The following POC1A variants were observed in gnomAD, a reference collection of about 807,000 sequenced individuals.
POC1A encodes POC1 centriolar protein A.
POC1A carries 34 observed loss-of-function variants against 47.8 expected under a neutral mutation model. The ratio of observed to expected loss-of-function variants is 0.71; its 90% confidence interval spans 0.54 to 0.95. POC1A has a LOEUF of 0.95. Among genes scored for constraint, POC1A ranks in the 40% least tolerant of loss-of-function variants. The pLI is 0.00. For synonymous variants in POC1A, 177 were observed against 207.6 expected, an observed-to-expected ratio of 0.85 and a Z score of 1.27; for missense variants, 466 against 528.3, an observed-to-expected ratio of 0.88 and a Z score of 1.16.
intron 7 of POC1A, among the ~76,000 whole-genome samples, chr3:52,132,033 C>T (rs1050989436): frequency 3.9e-5 from 6 of 152,254 alleles, no homozygotes; most frequent in Non-Finnish European, 7.4e-5. Context: ...TCACCTAAAA[C>T]GGCATGACAT....
chr3:52,131,922 C>A (rs1291896755), intron 7 of POC1A, among the ~76,000 whole-genome samples: 1 of 152,122 alleles, frequency 6.6e-6, no homozygotes, highest in Admixed American at 6.5e-5. Context: ...GCACCAGACA[C>A]CCCCATGGAC....
chr3:52,136,254 A>G (rs577663753), intron 7 of POC1A, among the ~76,000 whole-genome samples: 4 of 152,104 alleles, frequency 2.6e-5, no homozygotes, highest in Non-Finnish European at 5.9e-5. Flanking sequence ...GGAGAAGAAA[A>G]TAATTTGAGC....
chr3:52,098,370 C>A (rs571802086), intron 9 of POC1A, among the ~76,000 whole-genome samples: 5 of 152,184 alleles, frequency 3.3e-5, no homozygotes, highest in Admixed American at 1.3e-4. Flanking sequence ...TGAGTTTCTG[C>A]AGAATGGCCC....
intron 9 of POC1A, among the ~76,000 whole-genome samples, chr3:52,119,006 T>G (rs1159804653): frequency 6.6e-6 from 1 of 150,566 alleles, no homozygotes; most frequent in Non-Finnish European, 1.5e-5. Context: ...GGCAAAAGGT[T>G]TTTTTTTTTT....
intron 7 of POC1A, among the ~76,000 whole-genome samples, chr3:52,131,389 C>A (rs948570443): frequency 6.6e-6 from 1 of 152,132 alleles, no homozygotes; most frequent in African/African-American, 2.4e-5. Flanking sequence ...GGATCATGAG[C>A]CTCCATTGCA....
At chr3:52,087,927 T>A (rs1475211898) in intron 10 of POC1A, among the ~76,000 whole-genome samples, 3 of 152,156 alleles carry the variant, frequency 2.0e-5, no homozygotes, top group Non-Finnish European at 4.4e-5. Context: ...AGGACACCAG[T>A]CATGCTTGGC....
intron 7 of POC1A, among the ~76,000 whole-genome samples, chr3:52,132,374 G>C (rs1485541399): frequency 6.6e-6 from 1 of 152,094 alleles, no homozygotes; most frequent in African/African-American, 2.4e-5. Context: ...AAAAATACTG[G>C]GGTTTTCCTG....
chr3:52,138,313 G>A lies in POC1A; in HGVS notation c.680-11C>T, dbSNP rs761896253. 1 of 1,607,612 alleles carries A rather than the reference G, an allele frequency of 6.2e-7. No homozygotes were observed. Among genetic ancestry groups the A allele is most frequent in the Non-Finnish European group, 8.5e-7 (1 of 1,176,836 alleles). ...CTGCTGCACTGTGCACTGGGGGAAG[G>A]ACATCAGTCAGGTGCTGGCTAGGAG... On this transcript the variant is annotated splice_polypyrimidine_tract_variant and intron_variant, in intron 6 of 10. Coordinates refer to ENST00000296484, the MANE Select transcript of POC1A (RefSeq NM_015426.5).
chr3:52,105,364 C>G (rs757877246), intron 9 of POC1A, among the ~76,000 whole-genome samples: 3 of 152,264 alleles, frequency 2.0e-5, no homozygotes, highest in Non-Finnish European at 4.4e-5. Flanking sequence ...GATGAGGAGA[C>G]TCACAGACAC....
At position 52,075,404 on chromosome 3, in the gene POC1A, C is replaced by T. The variant is rs1440599553; in HGVS notation, c.*483G>A. 6.4e-6 allele frequency: 1 copy of T among 157,208 alleles called. No homozygotes were observed. Among genetic ancestry groups the T allele is most frequent in the Non-Finnish European group, 1.4e-5 (1 of 70,518 alleles). 9.7% of individuals were successfully genotyped at this position (157,208 alleles called of 1,614,324 possible). On this transcript the variant is annotated 3_prime_UTR_variant, in exon 11 of 11. Coordinates refer to ENST00000296484, the MANE Select transcript of POC1A (RefSeq NM_015426.5). ...GAGGGCTTGTTCTCAACAAACCTGA[C>T]TCAGATGGGCCCACTTTGGGCCTTT...
rs1049235474 is a variant in POC1A, at chr3:52,084,939, C to T, written c.1126-8954G>A. The stretch of plus-strand genomic sequence containing the variant: ...CCAAGCACTCTGCCTGGGCTGGGGA[C>T]ACAGTGGCAAGGGGAGCTGCAACTG... On this transcript the variant is annotated intron_variant, in intron 10 of 10. Transcript: ENST00000296484. The surrounding 1 kb of genome is among the most constrained non-coding windows in gnomAD (Gnocchi z 4.3). 1.3e-5 allele frequency among the ~76,000 whole-genome samples: 2 copies of T among 152,238 alleles called. No individual in the cohort carries two copies. The highest frequency in any genetic ancestry group is 2.9e-5 in the Non-Finnish European group (2 of 68,046).
chr3:52,154,082 G>C (rs1698643407), intron 1 of POC1A, among the ~76,000 whole-genome samples: 1 of 152,272 alleles, frequency 6.6e-6, no homozygotes, highest in South Asian at 2.1e-4. Context: ...CATGAGTCGG[G>C]ACTTGGTCGT....
chr3:52,087,471 G>A lies in POC1A; in HGVS notation c.1125+9098C>T, dbSNP rs373210287. Among the ~76,000 whole-genome samples the A allele has an allele frequency of 5.9e-5, 9 of 152,268 alleles. No homozygotes were observed. The East Asian group carries it at 1.7e-3, about 29-fold the overall frequency. On this transcript the variant is annotated intron_variant, in intron 10 of 10. Coordinates refer to ENST00000296484, the MANE Select transcript of POC1A (RefSeq NM_015426.5). ...AGAAAATGAGCTTTTGGTCCCTTGA[G>A]CCTATGGTCCGCGGTTGTTTCACAT...
At chr3:52,083,211 G>A (rs1279463494) in intron 10 of POC1A, among the ~76,000 whole-genome samples, 4 of 152,156 alleles carry the variant, frequency 2.6e-5, no homozygotes, top group African/African-American at 9.7e-5. Flanking sequence ...CATGGGCGGT[G>A]TGACACTCCC....
At position 52,096,732 on chromosome 3, in the gene POC1A, A is replaced by C. The variant is rs767996745; in HGVS notation, c.982-20T>G. On this transcript the variant is annotated intron_variant, in intron 9 of 10. Transcript: ENST00000296484. ...TTCTGGCTAAAGACAGAAAGAAAAA[A>C]GTTCCTCAGTCTATCCAGTGCTTGA... 9.2e-5 allele frequency: 143 copies of C among 1,562,508 alleles called. No individual in the cohort carries two copies. The highest frequency in any genetic ancestry group is 9.3e-5 in the Non-Finnish European group (108 of 1,160,702).
At chr3:52,126,314 G>C (rs1390775201) in intron 7 of POC1A, among the ~76,000 whole-genome samples, 1 of 152,190 alleles carries the variant, frequency 6.6e-6, no homozygotes, top group Non-Finnish European at 1.5e-5. Flanking sequence ...AAGGGACCTC[G>C]AGGCCATGGA....
chr3:52,149,490 G>C, intron 3 of POC1A, 101 bp from the exon 4 acceptor site: 1 of 1,125,692 alleles, frequency 8.9e-7, no homozygotes, highest in Non-Finnish European at 1.3e-6. Context: ...CCCTCCCAAA[G>C]TCAGTCAAGC....
intron 7 of POC1A, among the ~76,000 whole-genome samples, chr3:52,132,246 G>A (rs981579025): frequency 1.3e-5 from 2 of 152,194 alleles, no homozygotes; most frequent in Admixed American, 6.5e-5. Flanking sequence ...ATCTGACCCA[G>A]TGCCCAAGCC....
At chr3:52,145,472 G>A (rs1202722797) in intron 6 of POC1A, among the ~76,000 whole-genome samples, 1 of 152,202 alleles carries the variant, frequency 6.6e-6, no homozygotes, top group Non-Finnish European at 1.5e-5. Context: ...GGCCCTGGAG[G>A]GCAGAGCCTC....
Sources: allele counts gnomAD v4.1 joint callset (sites outside exome capture counted in the v4.1 genomes callset), GRCh38; gene constraint gnomAD v4.1.1; non-coding constraint Gnocchi (gnomAD v3.1); transcripts MANE v1.5; gene names NCBI Gene and HGNC (gene_info 2026-07-23, HGNC 2026-07-21).